Variants in SEC13 observed in about 807,000 individuals in gnomAD.
The protein encoded by SEC13 is protein SEC13 homolog.
A neutral mutation model predicts 49.2 loss-of-function variants in SEC13; 25 were observed. The observed-to-expected ratio is 0.51, with a 90% CI of 0.37 to 0.71. SEC13 has a LOEUF of 0.71. Ranked by LOEUF, SEC13 falls within the 30% of genes least tolerant of loss-of-function variation. The pLI is 0.00. For synonymous variants in SEC13, 148 were observed against 163.9 expected (o/e 0.90, Z 0.74); for missense variants, 383 against 417.6 (o/e 0.92, Z 0.72).
chr3:10,317,658 C>T (rs1701688323), intron 2 of SEC13, among the ~76,000 whole-genome samples: 1 of 152,156 alleles, frequency 6.6e-6, no homozygotes, highest in African/African-American at 2.4e-5. Flanking sequence ...TTTCTACACT[C>T]TCTTCTTTTC....
intron 5 of SEC13, among the ~76,000 whole-genome samples, chr3:10,307,269 C>T (rs1022315888): frequency 4.7e-5 from 7 of 149,918 alleles, no homozygotes; most frequent in East Asian, 2.0e-4. Context: ...AGTGCAGAGG[C>T]GCGATTTTGA....
intron 1 of SEC13, 172 bp downstream of exon 1, chr3:10,320,878 C>T: frequency 7.1e-7 from 1 of 1,406,826 alleles, no homozygotes; most frequent in Non-Finnish European, 9.3e-7. Context: ...CACCTCTGGA[C>T]TCCCCTCGGA....
chr3:10,312,692 G>C lies in SEC13; in HGVS notation c.203C>G (p.Pro68Arg). ...CGATGCCAGGATGTTGCCGTACATG[G>C]GGTGAGCCCAGGCCACTTGCCACAC... The part of the protein sequence containing the change: ...GPVWQVAWAH[P>R]MYGNILASCS... The change falls in exon 4 of 9, where the codon CCC (proline) becomes CGC (arginine). Residue 68 changes from proline to arginine, a missense_variant. Pro to Arg is a moderately radical substitution (Grantham distance 103, BLOSUM62 -2). Transcript: ENST00000350697. 1 of 1,614,154 alleles carries C rather than the reference G, an allele frequency of 6.2e-7. No homozygotes were observed.
chr3:10,301,641 A>G (rs929694867), intron 8 of SEC13, among the ~76,000 whole-genome samples: 1 of 152,160 alleles, frequency 6.6e-6, no homozygotes, highest in Non-Finnish European at 1.5e-5. Flanking sequence ...CTACAGCGAG[A>G]GGATATGGGG....
chr3:10,309,511 G>T (rs1209931517), intron 5 of SEC13, among the ~76,000 whole-genome samples: 1 of 152,082 alleles, frequency 6.6e-6, no homozygotes, highest in African/African-American at 2.4e-5. Context: ...TTTCGTCTTA[G>T]TCTTTCTTTA....
intron 1 of SEC13, chr3:10,320,603 T>G (rs1218882297): frequency 1.0e-5 from 10 of 994,326 alleles, no homozygotes; most frequent in Non-Finnish European, 6.0e-6. Flanking sequence ...AAATCTCGGC[T>G]CTACTACCAC....
At chr3:10,320,997 A>G in intron 1 of SEC13, 53 bp downstream of exon 1, 1 of 1,604,648 alleles carries the variant, frequency 6.2e-7, no homozygotes, top group South Asian at 1.1e-5. Context: ...GAACCCGTGA[A>G]GGCCGCGACC....
chr3:10,301,497 T>A, intron 8 of SEC13, 123 bp from the exon 9 acceptor site: 2 of 1,247,398 alleles, frequency 1.6e-6, no homozygotes, highest in Non-Finnish European at 2.2e-6. Flanking sequence ...ACAGAGCATG[T>A]CCCTCCTCCA....
intron 8 of SEC13, chr3:10,303,744 G>A: frequency 1.0e-5 from 5 of 486,548 alleles, no homozygotes; most frequent in South Asian, 1.0e-4. Flanking sequence ...GCTTAGTAGG[G>A]TGATGGGCCT....
intron 1 of SEC13, chr3:10,319,409 C>G: frequency 1.2e-6 from 1 of 859,004 alleles, no homozygotes; most frequent in Non-Finnish European, 1.7e-6. Flanking sequence ...GGGCAGGGTA[C>G]CAAGGGCACA....
At chr3:10,304,960 G>C in intron 7 of SEC13, 73 bp downstream of exon 7, 2 of 1,607,212 alleles carry the variant, frequency 1.2e-6, no homozygotes, top group East Asian at 2.2e-5. Context: ...AGGACTTTCT[G>C]CTAAGGAGAC....
At position 10,303,809 on chromosome 3, in the gene SEC13, T is replaced by TGTCA. The variant is rs1700692271; in HGVS notation, c.855+213_855+216dup. The TGTCA allele has an allele frequency of 5.1e-6, 3 of 585,260 alleles. No individual in the cohort carries two copies. In the African/African-American group the frequency reaches 5.6e-5, roughly 11 times the overall value. The allele number at this position is 585,260 out of a possible 1,614,324, so 36.3% of individuals were successfully genotyped here. A position where few individuals can be genotyped will look rare whatever the true frequency, so the allele number is the denominator to read the frequency against. On this transcript the variant is annotated intron_variant, in intron 8 of 8. Transcript: ENST00000350697. ...ACCCCCATGCAAGTCAAATCGCCTC[T>TGTCA]GTCAGCTTCTTTCCTCATCTGTGAA...
At position 10,312,645 on chromosome 3, in the gene SEC13, T is replaced by C. The variant is rs1701351153; in HGVS notation, c.250A>G (p.Ile84Val). The C allele has an allele frequency of 1.2e-6, 2 of 1,614,008 alleles. No homozygotes were observed. Among genetic ancestry groups the C allele is most frequent in the Admixed American group, 1.7e-5 (1 of 60,000 alleles). Reference sequence around the variant, plus strand: ...GTGCCGTTTTCCTCTCTCCAGATAATGACTTTCCGGTCATAGGAGCACGAT... The same window carrying C: ...GTGCCGTTTTCCTCTCTCCAGATAACGACTTTCCGGTCATAGGAGCACGAT... ...LASCSYDRKV[I>V]IWREENGTWE... The change falls in exon 4 of 9, where the codon ATT becomes GTT. Residue 84 changes from isoleucine (I) to valine (V), a missense_variant. Transcript: ENST00000350697.
At chr3:10,311,152 G>T (rs1701227857) in intron 5 of SEC13, among the ~76,000 whole-genome samples, 1 of 152,080 alleles carries the variant, frequency 6.6e-6, no homozygotes, top group African/African-American at 2.4e-5. Flanking sequence ...AGATGTGCAT[G>T]TTCACTTCAA....
intron 1 of SEC13, among the ~76,000 whole-genome samples, chr3:10,318,626 T>G (rs1368009889): frequency 6.6e-6 from 1 of 152,146 alleles, no homozygotes; most frequent in Non-Finnish European, 1.5e-5. Context: ...AGGCAGTTTA[T>G]GCATAACGGG....
chr3:10,318,056 G>GT lies in SEC13; in HGVS notation c.41dup (p.Asp14GlufsTer28). 1 of 1,602,686 alleles carries GT rather than the reference G, an allele frequency of 6.2e-7. No individual in the cohort carries two copies. Among genetic ancestry groups the GT allele is most frequent in the Non-Finnish European group, 8.5e-7 (1 of 1,170,196 alleles). ...GGGTGATATTAATACTTACAATCATGTCCTCATGGGAGGTATCCACAGTGT... is the reference window on the plus strand; with the variant it reads ...GGGTGATATTAATACTTACAATCATGTTCCTCATGGGAGGTATCCACAGTGT... On this transcript the variant is annotated frameshift_variant, in exon 2 of 9. Coordinates refer to ENST00000350697, the MANE Select transcript of SEC13 (RefSeq NM_183352.3). LOFTEE classifies it high-confidence loss of function.
At chr3:10,319,808 G>A (rs1454315414) in intron 1 of SEC13, among the ~76,000 whole-genome samples, 1 of 45,392 alleles carries the variant, frequency 2.2e-5, no homozygotes, top group East Asian at 5.6e-4. Context: ...GCGGGGGGGG[G>A]GGGGGGGGAG....
chr3:10,301,278 G>C lies in SEC13; in HGVS notation c.952C>G (p.Gln318Glu), dbSNP rs367788033. The change falls in exon 9 of 9, where the codon CAG becomes GAG. Residue 318 changes from glutamine to glutamate, a missense_variant. By Grantham distance (29) the Gln-to-Glu change is conservative. Transcript: ENST00000350697. ...CTGTCTTGTCACTGCTCGTTCTGCT[G>C]GCCCTCTGTCACTGATGCTGATACG... ...GSVSASVTEG[Q>E]QNEQ 9 of 1,614,162 alleles carry C rather than the reference G, an allele frequency of 5.6e-6. 1 individual carries two copies. The highest frequency in any genetic ancestry group is 2.2e-5 in the East Asian group (1 of 44,864).
At chr3:10,310,266 G>A (rs1422044789) in intron 5 of SEC13, among the ~76,000 whole-genome samples, 2 of 152,140 alleles carry the variant, frequency 1.3e-5, no homozygotes, top group Admixed American at 1.3e-4. Context: ...TGAGGTGGGC[G>A]GATCACTTGA....
Sources: gnomAD v4.1 joint callset for allele counts (sites outside exome capture counted in the v4.1 genomes callset) on GRCh38, gnomAD v4.1.1 for gene constraint, MANE v1.5 for transcripts, NCBI Gene and HGNC (gene_info 2026-07-23, HGNC 2026-07-21) for gene names.